The following SPTLC1 variants were observed in gnomAD, a reference collection of about 807,000 sequenced individuals.
The protein encoded by SPTLC1 is serine palmitoyltransferase 1.
A neutral mutation model predicts 68.9 loss-of-function variants in SPTLC1; 55 were observed. The observed-to-expected ratio is 0.80, with a 90% CI of 0.64 to 1.00. The LOEUF is 1.00. SPTLC1 is among the 50% of genes least tolerant of loss of function. The pLI is 0.00. For synonymous variants in SPTLC1, 197 were observed against 201.6 expected, an observed-to-expected ratio of 0.98 and a Z score of 0.19; for missense variants, 449 against 573.1, an observed-to-expected ratio of 0.78 and a Z score of 2.21.
intron 12 of SPTLC1, among the ~76,000 whole-genome samples, chr9:92,040,965 C>T (rs374013540): frequency 6.6e-6 from 1 of 152,048 alleles, no homozygotes; most frequent in Admixed American, 6.6e-5. Context: ...TCAGCGAAGC[C>T]GTGTTTCAGA....
At chr9:92,040,917 T>C (rs1003188668) in intron 12 of SPTLC1, among the ~76,000 whole-genome samples, 7 of 151,940 alleles carry the variant, frequency 4.6e-5, no homozygotes, top group Non-Finnish European at 8.8e-5. Context: ...GTCAGATGAG[T>C]TTAATTAAAA....
chr9:92,033,405 A>G (rs1263502841), intron 14 of SPTLC1, among the ~76,000 whole-genome samples: 1 of 152,232 alleles, frequency 6.6e-6, no homozygotes, highest in Non-Finnish European at 1.5e-5. Context: ...TGTCCCCCAG[A>G]GTTCATCTGT....
At chr9:92,108,213 T>G (rs1359983247) in intron 3 of SPTLC1, 1 of 161,224 alleles carries the variant, frequency 6.2e-6, no homozygotes, top group African/African-American at 2.4e-5. Flanking sequence ...TGAAAATACA[T>G]ACAATATAGC....
intron 3 of SPTLC1, among the ~76,000 whole-genome samples, chr9:92,082,731 T>C (rs1834934420): frequency 6.6e-6 from 1 of 152,092 alleles, no homozygotes; most frequent in African/African-American, 2.4e-5. Flanking sequence ...GCAGCATGAT[T>C]TATACTCATT....
At chr9:92,080,522 G>A (rs370134328) in intron 4 of SPTLC1, among the ~76,000 whole-genome samples, 3 of 152,266 alleles carry the variant, frequency 2.0e-5, no homozygotes, top group East Asian at 3.9e-4. Context: ...CTTGCATAGC[G>A]CTTTCCAATA....
At chr9:92,054,601 C>T (rs1260400256) in intron 8 of SPTLC1, among the ~76,000 whole-genome samples, 1 of 152,080 alleles carries the variant, frequency 6.6e-6, no homozygotes, top group Non-Finnish European at 1.5e-5. Flanking sequence ...GTTGATTTCA[C>T]CTAAATAAAG....
intron 12 of SPTLC1, among the ~76,000 whole-genome samples, chr9:92,040,762 GA>G (rs111600312): frequency 0.067 from 5,730 of 85,370 alleles, 163 homozygotes; most frequent in South Asian, 0.17. Context: ...TGTCTCAAAA[GA>G]AAAAAAAAAA....
At chr9:92,064,899 T>A (rs528538564) in intron 6 of SPTLC1, among the ~76,000 whole-genome samples, 1 of 152,278 alleles carries the variant, frequency 6.6e-6, no homozygotes, top group East Asian at 1.9e-4. Flanking sequence ...ATTCTTAAAA[T>A]AACAAAATTA....
chr9:92,034,448 C>T (rs974877985), intron 14 of SPTLC1, among the ~76,000 whole-genome samples: 4 of 152,344 alleles, frequency 2.6e-5, no homozygotes, highest in Admixed American at 6.5e-5. Context: ...ACCCCCACCC[C>T]ACACTGCCGA....
chr9:92,069,756 T>G (rs781237916), intron 5 of SPTLC1, among the ~76,000 whole-genome samples: 20 of 152,154 alleles, frequency 1.3e-4, no homozygotes, highest in Admixed American at 2.6e-4. Flanking sequence ...TGCTTCTAAT[T>G]GAAAGTATCT....
In SPTLC1 at chr9:92,047,270, T is replaced by C; in HGVS notation, c.985-2A>G. The C allele has an allele frequency of 6.2e-7, 1 of 1,613,512 alleles. No homozygotes were observed. The highest frequency in any genetic ancestry group is 8.5e-7 in the Non-Finnish European group (1 of 1,179,454). ...GCAGTATCCCTGGCCGGAAAGTCGC[T>C]GAGAAGAAACAAATGAAGACATATA... On this transcript the variant is annotated splice_acceptor_variant, in intron 10 of 14. Transcript: ENST00000262554. LOFTEE classifies it high-confidence loss of function.
At chr9:92,040,762 G>GAAAAAA (rs111600312) in intron 12 of SPTLC1, among the ~76,000 whole-genome samples, 1 of 85,398 alleles carries the variant, frequency 1.2e-5, no homozygotes, top group Non-Finnish European at 2.5e-5. Context: ...TGTCTCAAAA[G>GAAAAAA]AAAAAAAAAA....
intron 5 of SPTLC1, chr9:92,079,446 GTCT>G (rs1380508281): frequency 6.3e-7 from 1 of 1,599,464 alleles, no homozygotes; most frequent in Non-Finnish European, 8.5e-7. Context: ...TAAAATGCCG[GTCT>G]TCTTTGATGA....
chr9:92,034,332 C>T (rs186022091), intron 14 of SPTLC1, among the ~76,000 whole-genome samples: 8 of 152,324 alleles, frequency 5.3e-5, no homozygotes, highest in Admixed American at 5.2e-4. Context: ...TAGTCTTTCA[C>T]TTTTGGTGTT....
chr9:92,073,119 C>G (rs1418020080), intron 5 of SPTLC1, among the ~76,000 whole-genome samples: 1 of 152,156 alleles, frequency 6.6e-6, no homozygotes, highest in African/African-American at 2.4e-5. Context: ...GCAATTTCCC[C>G]TTTGAGAGGT....
In SPTLC1 at chr9:92,045,960, A is replaced by C. The variant is rs571852111; in HGVS notation, c.1136+39T>G. 1.1e-4 allele frequency: 164 copies of C among 1,561,446 alleles called. No individual in the cohort carries two copies. In the South Asian group the frequency reaches 1.7e-3, roughly 16 times the overall value. ...TTCCATTAGTTGTTAAGTGTGGTGC[A>C]GATAAACTTTATGTTGGTTGAAAAT... On this transcript the variant is annotated intron_variant, in intron 12 of 14. Transcript: ENST00000262554.
At chr9:92,032,740 G>A (rs1833012811) in intron 14 of SPTLC1, among the ~76,000 whole-genome samples, 182 bp from the exon 15 acceptor site, 1 of 152,056 alleles carries the variant, frequency 6.6e-6, no homozygotes. Context: ...AGCCAGTGTG[G>A]TGGCGGGTGC....
At chr9:92,080,157 T>C in intron 4 of SPTLC1, 69 bp from the exon 5 acceptor site, 1 of 1,328,358 alleles carries the variant, frequency 7.5e-7, no homozygotes, top group Non-Finnish European at 1.1e-6. Flanking sequence ...CATTTCCTAT[T>C]CTTTAACCCA....
At chr9:92,087,802 C>T (rs1380438784) in intron 3 of SPTLC1, among the ~76,000 whole-genome samples, 3 of 152,210 alleles carry the variant, frequency 2.0e-5, no homozygotes, top group African/African-American at 7.2e-5. Context: ...TTTAAGTCTG[C>T]AGAGGTTACT....
Sources: allele counts gnomAD v4.1 joint callset (sites outside exome capture counted in the v4.1 genomes callset), GRCh38; gene constraint gnomAD v4.1.1; transcripts MANE v1.5; gene names NCBI Gene and HGNC (gene_info 2026-07-23, HGNC 2026-07-21).